The following ABTB2 variants were observed in gnomAD, a reference collection of about 807,000 sequenced individuals.
ABTB2 encodes ankyrin repeat and BTB domain containing 2.
A neutral mutation model predicts 104.1 loss-of-function variants in ABTB2; 56 were observed. The observed-to-expected ratio is 0.54, with a 90% CI of 0.43 to 0.67. ABTB2 has a LOEUF of 0.67. Ranked by LOEUF, ABTB2 falls within the 30% of genes least tolerant of loss-of-function variation. The pLI is 0.00. For synonymous variants in ABTB2, 606 were observed against 608.2 expected, an observed-to-expected ratio of 1.00 and a Z score of 0.05; for missense variants, 1,279 against 1,407.7, an observed-to-expected ratio of 0.91 and a Z score of 1.46.
intron 3 of ABTB2, among the ~76,000 whole-genome samples, chr11:34,196,993 C>G (rs1853264942): frequency 6.6e-6 from 1 of 152,220 alleles, no homozygotes. Flanking sequence ...ACTAACCTTT[C>G]TAGGTGGGTG....
At chr11:34,157,346 T>G (rs1412111252) in intron 14 of ABTB2, among the ~76,000 whole-genome samples, 3 of 152,194 alleles carry the variant, frequency 2.0e-5, no homozygotes, top group Non-Finnish European at 2.9e-5. Flanking sequence ...ACCTGAAGCC[T>G]GTCCCCTATT....
intron 3 of ABTB2, among the ~76,000 whole-genome samples, chr11:34,175,655 T>TC (rs1176099402): frequency 6.6e-6 from 1 of 152,218 alleles, no homozygotes; most frequent in Non-Finnish European, 1.5e-5. Context: ...TTCTGTCATT[T>TC]CCAATATTCC....
At chr11:34,343,165 T>C (rs1380733390) in intron 1 of ABTB2, among the ~76,000 whole-genome samples, 5 of 152,110 alleles carry the variant, frequency 3.3e-5, no homozygotes, top group African/African-American at 1.2e-4. Flanking sequence ...GATCTAGCCA[T>C]GCCCTTTCCA....
intron 1 of ABTB2, chr11:34,335,495 A>G (rs1336241924): frequency 6.6e-6 from 6 of 903,196 alleles, no homozygotes; most frequent in Admixed American, 5.6e-5. Flanking sequence ...TTAATTTGCT[A>G]TTAGCTACTT....
chr11:34,224,303 C>T (rs1348268050), intron 1 of ABTB2, among the ~76,000 whole-genome samples: 2 of 142,488 alleles, frequency 1.4e-5, no homozygotes, highest in Non-Finnish European at 3.0e-5. Context: ...GGCCACCATG[C>T]CCAGCCTAAT....
chr11:34,204,627 C>G lies in ABTB2; in HGVS notation c.947G>C (p.Arg316Pro). 6.2e-7 allele frequency: 1 copy of G among 1,612,754 alleles called. No homozygotes were observed. Reference sequence around the variant, plus strand: ...CTCCAGCTGGGCATAGGCATCGGCTCGCTCGTCATGGCCCAGGGACCCGCC... The same window carrying G: ...CTCCAGCTGGGCATAGGCATCGGCTGGCTCGTCATGGCCCAGGGACCCGCC... ...YNGGSLGHDE[R>P]ADAYAQLELR... The change falls in exon 2 of 17, where the codon CGA (arginine) becomes CCA (proline). Residue 316 changes from arginine (R) to proline (P), a missense_variant. Coordinates refer to ENST00000435224, the MANE Select transcript of ABTB2 (RefSeq NM_145804.3).
In ABTB2 at chr11:34,154,690, C is replaced by G. The variant is rs555277221; in HGVS notation, c.2766+11G>C. On this transcript the variant is annotated intron_variant, in intron 15 of 16. Transcript: ENST00000435224. The surrounding 1 kb of genome is among the most constrained non-coding windows in gnomAD (Gnocchi z 4.9). ...CTAGCCCAGGCCCCCTCCCCCTCTCCCGAGTCTCACCTCCAGGATGTCAGT... is the reference window on the plus strand; with the variant it reads ...CTAGCCCAGGCCCCCTCCCCCTCTCGCGAGTCTCACCTCCAGGATGTCAGT... The G allele has an allele frequency of 6.2e-7, 1 of 1,614,094 alleles. No individual in the cohort carries two copies. Among genetic ancestry groups the G allele is most frequent in the African/African-American group, 1.3e-5 (1 of 75,066 alleles).
At chr11:34,158,361 C>T (rs533152411) in intron 14 of ABTB2, among the ~76,000 whole-genome samples, 36 of 152,098 alleles carry the variant, frequency 2.4e-4, no homozygotes, top group African/African-American at 8.0e-4. Flanking sequence ...TGCAGTGAGC[C>T]GAGATCATGC....
intron 3 of ABTB2, among the ~76,000 whole-genome samples, chr11:34,187,754 G>A (rs1369344753): frequency 6.6e-6 from 1 of 152,134 alleles, no homozygotes; most frequent in African/African-American, 2.4e-5. Flanking sequence ...CTCCCAAAGT[G>A]CTAGGATTAC....
At chr11:34,243,266 C>T (rs1165273048) in intron 1 of ABTB2, among the ~76,000 whole-genome samples, 3 of 152,178 alleles carry the variant, frequency 2.0e-5, no homozygotes, top group Non-Finnish European at 4.4e-5. Context: ...GCCTGTTGAC[C>T]TCTGGCAAAT....
At chr11:34,237,451 A>C (rs1157925467) in intron 1 of ABTB2, among the ~76,000 whole-genome samples, 1 of 151,814 alleles carries the variant, frequency 6.6e-6, no homozygotes, top group African/African-American at 2.4e-5. Flanking sequence ...CCTTTCCTGG[A>C]TATTCTGATT....
At chr11:34,180,615 T>A (rs764144215) in intron 3 of ABTB2, among the ~76,000 whole-genome samples, 1 of 152,226 alleles carries the variant, frequency 6.6e-6, no homozygotes, top group South Asian at 2.1e-4. Context: ...GGTCTTTTTA[T>A]ATGAGAAGCA....
Position 34,196,514 on chromosome 11 carries a change from A to C in ABTB2, c.1244+811T>G, listed in dbSNP as rs746842439. Reference sequence around the variant, plus strand: ...GCTTGCAGTGAGCCAAGATTGTGCCATTGCACTCCAGCCTGGGCAATAGAG... The same window carrying C: ...GCTTGCAGTGAGCCAAGATTGTGCCCTTGCACTCCAGCCTGGGCAATAGAG... On this transcript the variant is annotated intron_variant, in intron 3 of 16. Transcript: ENST00000435224. 4.5e-4 allele frequency among the ~76,000 whole-genome samples: 68 copies of C among 152,198 alleles called. 1 individual carries two copies. The highest frequency in any genetic ancestry group is 2.2e-3 in the Admixed American group (33 of 15,280).
intron 1 of ABTB2, among the ~76,000 whole-genome samples, chr11:34,229,458 G>A (rs1230330155): frequency 1.3e-5 from 2 of 150,316 alleles, no homozygotes; most frequent in Non-Finnish European, 3.0e-5. Flanking sequence ...TCCAGCCTGG[G>A]TGACAGAGTG....
At chr11:34,243,920 A>C (rs1853951802) in intron 1 of ABTB2, among the ~76,000 whole-genome samples, 1 of 152,254 alleles carries the variant, frequency 6.6e-6, no homozygotes, top group Non-Finnish European at 1.5e-5. Flanking sequence ...TGTGGCCAAG[A>C]TCCCTCAGTA....
At chr11:34,312,506 G>A (rs896129516) in intron 1 of ABTB2, among the ~76,000 whole-genome samples, 5 of 152,282 alleles carry the variant, frequency 3.3e-5, no homozygotes, top group East Asian at 1.9e-4. Context: ...ACGCAGCTTC[G>A]GAACCCAGTT....
At chr11:34,162,483 G>T in intron 10 of ABTB2, 93 bp downstream of exon 10, 1 of 1,349,468 alleles carries the variant, frequency 7.4e-7, no homozygotes, top group Non-Finnish European at 1.0e-6. Context: ...TGCAGGCCCT[G>T]GCCCTCTCAG....
At chr11:34,345,873 CA>C (rs1855324673) in intron 1 of ABTB2, among the ~76,000 whole-genome samples, 1 of 152,058 alleles carries the variant, frequency 6.6e-6, no homozygotes, top group African/African-American at 2.4e-5. Context: ...CTTTTTTTGC[CA>C]TATGTTCTGC....
intron 1 of ABTB2, among the ~76,000 whole-genome samples, chr11:34,272,706 C>CAAAAAAAAAAAAAA (rs35638814): frequency 8.0e-4 from 33 of 41,050 alleles, no homozygotes; most frequent in African/African-American, 3.2e-3. Flanking sequence ...GACTCCGTCT[C>CAAAAAAAAAAAAAA]AAAAAAAAAA....
Sources: allele counts gnomAD v4.1 joint callset (sites outside exome capture counted in the v4.1 genomes callset), GRCh38; gene constraint gnomAD v4.1.1; non-coding constraint Gnocchi (gnomAD v3.1); transcripts MANE v1.5; gene names NCBI Gene and HGNC (gene_info 2026-07-23, HGNC 2026-07-21).